GAS2: variants seen among roughly 807,000 people sequenced by gnomAD.
GAS2 encodes growth arrest specific 2.
A neutral mutation model predicts 37.5 loss-of-function variants in GAS2; 20 were observed. The ratio of observed to expected loss-of-function variants is 0.53; its 90% CI spans 0.37 to 0.77. GAS2 has a LOEUF of 0.77. Among genes scored for constraint, GAS2 ranks in the 30% least tolerant of loss-of-function variants. GAS2 has a pLI of 0.00. For missense variants in GAS2, 336 were observed against 373.4 expected, an observed-to-expected ratio of 0.90 and a Z score of 0.82; for synonymous variants, 144 against 132.2, an observed-to-expected ratio of 1.09 and a Z score of -0.61.
chr11:22,774,421 C>T (rs1855147994), intron 7 of GAS2, among the ~76,000 whole-genome samples: 1 of 152,248 alleles, frequency 6.6e-6, no homozygotes, highest in Non-Finnish European at 1.5e-5. Context: ...TATCTTCAAA[C>T]ATGATCTCTT....
At chr11:22,634,666 C>T (rs1858796586) in intron 1 of GAS2, among the ~76,000 whole-genome samples, 1 of 152,134 alleles carries the variant, frequency 6.6e-6, no homozygotes, top group East Asian at 1.9e-4. Context: ...TGATTCTAGC[C>T]ACCCAGTGGG....
intron 1 of GAS2, among the ~76,000 whole-genome samples, chr11:22,653,818 G>C (rs1011518629): frequency 6.6e-6 from 1 of 152,180 alleles, no homozygotes; most frequent in Non-Finnish European, 1.5e-5. Flanking sequence ...GATCAATAGA[G>C]CATAATAAAA....
At chr11:22,664,160 A>G (rs991178039), upstream of GAS2, among the ~76,000 whole-genome samples, 7 of 152,154 alleles carry the variant, frequency 4.6e-5, no homozygotes, top group African/African-American at 1.4e-4. Flanking sequence ...TTATTTTACC[A>G]AATTTAACCC....
chr11:22,804,285 A>G (rs529667867), intron 7 of GAS2, among the ~76,000 whole-genome samples: 1 of 152,260 alleles, frequency 6.6e-6, no homozygotes, highest in South Asian at 2.1e-4. Context: ...CCTATCAAGG[A>G]GGCAGAGAAA....
At chr11:22,725,831 T>C (rs1018871746) in intron 3 of GAS2, among the ~76,000 whole-genome samples, 1 of 152,178 alleles carries the variant, frequency 6.6e-6, no homozygotes, top group Non-Finnish European at 1.5e-5. Context: ...ATAATTCTTG[T>C]GTAATTTTTA....
At chr11:22,696,531 A>G (rs1033341383) in intron 3 of GAS2, among the ~76,000 whole-genome samples, 2 of 152,006 alleles carry the variant, frequency 1.3e-5, no homozygotes, top group African/African-American at 2.4e-5. Context: ...GACTTCCACA[A>G]TGGTTGAACT....
chr11:22,728,350 C>T (rs1852309863), intron 4 of GAS2, among the ~76,000 whole-genome samples: 1 of 151,716 alleles, frequency 6.6e-6, no homozygotes, highest in South Asian at 2.1e-4. Context: ...AAAGCCCCAT[C>T]CAAATAATAC....
At chr11:22,726,060 T>C (rs192526064) in intron 3 of GAS2, among the ~76,000 whole-genome samples, 84 of 152,216 alleles carry the variant, frequency 5.5e-4, no homozygotes, top group African/African-American at 2.0e-3. Flanking sequence ...AGTACTTAAC[T>C]ATCTTAACCC....
intron 1 of GAS2, among the ~76,000 whole-genome samples, chr11:22,644,985 A>C (rs972661680): frequency 6.6e-6 from 1 of 152,216 alleles, no homozygotes; most frequent in Non-Finnish European, 1.5e-5. Context: ...TGACATAACT[A>C]GAATTTTCTA....
intron 7 of GAS2, among the ~76,000 whole-genome samples, chr11:22,798,161 A>G (rs200597346): frequency 6.6e-6 from 1 of 152,078 alleles, no homozygotes; most frequent in East Asian, 1.9e-4. Context: ...AATGCAAACC[A>G]CTTAGAGTTG....
intron 3 of GAS2, among the ~76,000 whole-genome samples, chr11:22,697,533 G>A (rs1850593307): frequency 6.6e-6 from 1 of 152,168 alleles, no homozygotes; most frequent in Non-Finnish European, 1.5e-5. Flanking sequence ...ATTACCTTGG[G>A]CAGTATGACC....
chr11:22,729,245 T>C (rs1852361216), intron 4 of GAS2, among the ~76,000 whole-genome samples: 1 of 151,878 alleles, frequency 6.6e-6, no homozygotes, highest in Admixed American at 6.6e-5. Context: ...GCATAAAGCA[T>C]CCTTATCCTT....
chr11:22,683,265 T>TATTG (rs1188834216), intron 2 of GAS2, among the ~76,000 whole-genome samples: 1 of 152,098 alleles, frequency 6.6e-6, no homozygotes, highest in African/African-American at 2.4e-5. Flanking sequence ...AGTCGGATTT[T>TATTG]ATTTATTTAT....
chr11:22,667,701 G>A (rs1357702493), intron 1 of GAS2, among the ~76,000 whole-genome samples: 1 of 152,166 alleles, frequency 6.6e-6, no homozygotes, highest in African/African-American at 2.4e-5. Flanking sequence ...ATCCGAAGAA[G>A]TTTCCATTGT....
At chr11:22,671,533 T>A (rs572552977) in intron 1 of GAS2, among the ~76,000 whole-genome samples, 2 of 152,160 alleles carry the variant, frequency 1.3e-5, no homozygotes, top group African/African-American at 4.8e-5. Flanking sequence ...AACCTACTGC[T>A]TTCTTCAAGT....
chr11:22,794,109 A>ATT (rs1399272279), intron 7 of GAS2, among the ~76,000 whole-genome samples: 1 of 20,412 alleles, frequency 4.9e-5, no homozygotes, highest in Admixed American at 9.8e-4. Context: ...GTAATAAAAC[A>ATT]ATTTTTTTTT....
intron 1 of GAS2, among the ~76,000 whole-genome samples, chr11:22,651,652 A>G (rs1343453940): frequency 1.3e-5 from 2 of 151,652 alleles, no homozygotes; most frequent in African/African-American, 4.8e-5. Context: ...TTCCCTTCTT[A>G]CTTCATTTCA....
chr11:22,732,805 T>TCATCATCATCATCACCAC (rs1311809362), intron 4 of GAS2, among the ~76,000 whole-genome samples: 1 of 143,070 alleles, frequency 7.0e-6, no homozygotes, highest in Non-Finnish European at 1.5e-5. Flanking sequence ...ATCATCATCA[T>TCATCATCATCATCACCAC]CATCATCACC....
chr11:22,762,290 G>T (rs1193900206), intron 7 of GAS2, among the ~76,000 whole-genome samples: 1 of 152,040 alleles, frequency 6.6e-6, no homozygotes, highest in Non-Finnish European at 1.5e-5. Flanking sequence ...ATTTAATAAG[G>T]ATCGTTTGTT....
Sources: gnomAD v4.1 joint callset for allele counts (sites outside exome capture counted in the v4.1 genomes callset) on GRCh38, gnomAD v4.1.1 for gene constraint, MANE v1.5 for transcripts, NCBI Gene and HGNC (gene_info 2026-07-23, HGNC 2026-07-21) for gene names.